Variants in BDNF observed in about 807,000 individuals in gnomAD.
BDNF encodes brain derived neurotrophic factor.
BDNF carries 1 observed loss-of-function variant against 19.5 expected under a neutral mutation model. That is an observed-to-expected ratio of 0.05 (90% CI 0.02 to 0.24). The LOEUF is 0.24. Among genes scored for constraint, BDNF ranks in the 10% least tolerant of loss-of-function variants. The pLI is 1.00. For missense variants in BDNF, 195 were observed against 317.6 expected (o/e 0.61, Z 2.93); for synonymous variants, 100 against 121.6 (o/e 0.82, Z 1.17).
chr11:27,656,779 A>G lies in BDNF; in HGVS notation c.*1042T>C. On this transcript the variant is annotated 3_prime_UTR_variant, in exon 2 of 2. Transcript: ENST00000356660. ...TCACTCCTCATAAAAAATAATCTTC[A>G]TTTTGGGGTTATTTTTTGTTGTTTT... The G allele has an allele frequency of 3.0e-6, 3 of 984,832 alleles. No homozygotes were observed. Among genetic ancestry groups the G allele is most frequent in the Non-Finnish European group, 3.6e-6 (3 of 829,806 alleles). The allele number at this position is 984,832 out of a possible 1,614,324, so 61.0% of individuals were successfully genotyped here. A position where few individuals can be genotyped will look rare whatever the true frequency, so the allele number is the denominator to read the frequency against.
intron 1 of BDNF, among the ~76,000 whole-genome samples, chr11:27,665,836 T>G (rs1463881889): frequency 2.6e-5 from 4 of 152,148 alleles, no homozygotes; most frequent in African/African-American, 9.7e-5. Context: ...ACTCCACCTC[T>G]AGGGGCAGGG....
At chr11:27,701,436 G>A (rs1859890397), upstream of BDNF, 3 of 1,039,048 alleles carry the variant, frequency 2.9e-6, no homozygotes, top group Admixed American at 4.9e-5. Context: ...AGTCTTTGGT[G>A]CCCGGTATGT....
chr11:27,669,490 T>A, intron 1 of BDNF, among the ~76,000 whole-genome samples: 1 of 152,210 alleles, frequency 6.6e-6, no homozygotes, highest in Non-Finnish European at 1.5e-5. Flanking sequence ...GATGACATGA[T>A]TGTATATTTA....
At position 27,658,941 on chromosome 11, in the gene BDNF, ACAAAAT is replaced by A. The variant is rs1480462688; in HGVS notation, c.-21-362_-21-357del. 3.3e-5 allele frequency: 37 copies of A among 1,132,196 alleles called. No homozygotes were observed. The highest frequency in any genetic ancestry group is 4.1e-5 in the Non-Finnish European group (37 of 911,248). The allele number at this position is 1,132,196 out of a possible 1,614,324, so 70.1% of individuals were successfully genotyped here. On this transcript the variant is annotated intron_variant, in intron 1 of 1. Transcript: ENST00000356660. The surrounding 1 kb of genome is among the most constrained non-coding windows in gnomAD (Gnocchi z 5.7). ...CTCTGCTCATGCTGTCACGAGAAAC[ACAAAAT>A]CATAAATGTTACTAAGCAACAACTG... is the stretch of plus-strand genomic sequence containing the variant.
chr11:27,701,519 C>T, upstream of BDNF: 1 of 988,462 alleles, frequency 1.0e-6, no homozygotes, highest in Non-Finnish European at 1.2e-6. Flanking sequence ...AATACTCGCA[C>T]CCCATCAGCG....
At chr11:27,678,329 A>T (rs961425494) in intron 1 of BDNF, among the ~76,000 whole-genome samples, 1 of 152,218 alleles carries the variant, frequency 6.6e-6, no homozygotes, top group Admixed American at 6.5e-5. Context: ...CCATGGCCAA[A>T]CATAGGAGGG....
At chr11:27,664,048 C>A (rs963335689) in intron 1 of BDNF, among the ~76,000 whole-genome samples, 3 of 151,352 alleles carry the variant, frequency 2.0e-5, no homozygotes, top group Non-Finnish European at 4.4e-5. Context: ...AAAAAAAAGT[C>A]TTGTTTGTTC....
At chr11:27,667,411 A>G (rs975738037) in intron 1 of BDNF, among the ~76,000 whole-genome samples, 11 of 152,228 alleles carry the variant, frequency 7.2e-5, no homozygotes, top group Non-Finnish European at 1.3e-4. Context: ...AAATTCACAC[A>G]TAACAATATT....
At chr11:27,719,545 G>A (rs2883187) in intron 1 of BDNF, 448,422 of 984,812 alleles carry the variant, frequency 0.46, 104,789 homozygotes, top group Admixed American at 0.53. Flanking sequence ...CGGCTGGGGA[G>A]CGGAGCGCGG....
intron 1 of BDNF, chr11:27,699,238 A>T: frequency 8.2e-7 from 1 of 1,217,424 alleles, no homozygotes; most frequent in Admixed American, 1.7e-5. Context: ...CCAACACACA[A>T]ACACTGCATC....
At chr11:27,718,359 C>CA (rs1554950413) in intron 1 of BDNF, among the ~76,000 whole-genome samples, 13 of 144,498 alleles carry the variant, frequency 9.0e-5, no homozygotes, top group Non-Finnish European at 2.0e-4. Flanking sequence ...ACACCACCCC[C>CA]CCCCGCCCCT....
intron 1 of BDNF, among the ~76,000 whole-genome samples, chr11:27,706,802 T>G (rs1188804205): frequency 6.6e-6 from 1 of 152,204 alleles, no homozygotes; most frequent in Non-Finnish European, 1.5e-5. Flanking sequence ...ATCTTCCCTT[T>G]GCAACTTGGA....
intron 1 of BDNF, chr11:27,721,341 C>G (rs557537462): frequency 6.4e-7 from 1 of 1,558,506 alleles, no homozygotes; most frequent in Non-Finnish European, 8.9e-7. Context: ...CTAGGAAGAG[C>G]CGTGATATGC....
At chr11:27,719,469 C>A in intron 1 of BDNF, 1 of 985,566 alleles carries the variant, frequency 1.0e-6, no homozygotes, top group Non-Finnish European at 1.2e-6. Flanking sequence ...TACTCCCAGG[C>A]GGAGGCTCCC....
At chr11:27,697,158 C>CAGAGAGAGAGAGAGAGAGAGAGAGAG (rs1198756508) in intron 1 of BDNF, among the ~76,000 whole-genome samples, 1 of 113,578 alleles carries the variant, frequency 8.8e-6, no homozygotes, top group Non-Finnish European at 2.0e-5. Flanking sequence ...CACACACACA[C>CAGAGAGAGAGAGAGAGAGAGAGAGAG]ACACACAGAG....
intron 1 of BDNF, among the ~76,000 whole-genome samples, chr11:27,660,785 A>G (rs1166617345): frequency 3.3e-5 from 5 of 152,074 alleles, no homozygotes; most frequent in Non-Finnish European, 7.4e-5. Context: ...AAAAAAAAAA[A>G]AAGAATTAAT....
chr11:27,685,763 A>G (rs1248328853), intron 1 of BDNF, among the ~76,000 whole-genome samples: 1 of 152,044 alleles, frequency 6.6e-6, no homozygotes, highest in African/African-American at 2.4e-5. Flanking sequence ...GGTCTGAGAG[A>G]CTGTTTGTTA....
chr11:27,691,670 A>G (rs2134021363), intron 1 of BDNF, among the ~76,000 whole-genome samples: 1 of 152,316 alleles, frequency 6.6e-6, no homozygotes, highest in African/African-American at 2.4e-5. Flanking sequence ...CTTATGGTCT[A>G]ACTTGCATTT....
Position 27,673,350 on chromosome 11 carries a change from TA to T in BDNF, c.-21-14766del, listed in dbSNP as rs1454997692. ...TCCAAGGATAAAGGGAATCCCCCTTTAAGAAAAGATGTTGGCATTATGTGGG... is the reference window on the plus strand; with the variant it reads ...TCCAAGGATAAAGGGAATCCCCCTTTAGAAAAGATGTTGGCATTATGTGGG... On this transcript the variant is annotated intron_variant, in intron 1 of 1. Transcript: ENST00000356660. Among the ~76,000 whole-genome samples the T allele has an allele frequency of 3.3e-5, 5 of 152,168 alleles. No individual in the cohort carries two copies. In the East Asian group the frequency reaches 7.7e-4, roughly 24 times the overall value.
Sources: gnomAD v4.1 joint callset for allele counts (sites outside exome capture counted in the v4.1 genomes callset) on GRCh38, gnomAD v4.1.1 for gene constraint, Gnocchi (gnomAD v3.1) non-coding constraint, MANE v1.5 for transcripts, NCBI Gene and HGNC (gene_info 2026-07-23, HGNC 2026-07-21) for gene names.